ZNF732: variants seen among roughly 807,000 people sequenced by gnomAD.
ZNF732 encodes zinc finger protein 732, also known as zinc finger protein LOC654254.
A neutral mutation model predicts 11.5 loss-of-function variants in ZNF732; 12 were observed. The ratio of observed to expected loss-of-function variants is 1.05; its 90% CI spans 0.67 to 1.70. The LOEUF (loss-of-function observed/expected upper bound fraction) is 1.70, where lower values mean the gene tolerates loss of function less well. Among genes scored for constraint, ZNF732 ranks in the 40% most tolerant of loss-of-function variants. ZNF732 has a pLI of 0.00. For synonymous variants in ZNF732, 231 were observed against 236.5 expected (o/e 0.98, Z 0.21); for missense variants, 702 against 676.9 (o/e 1.04, Z -0.41).
intron 3 of ZNF732, among the ~76,000 whole-genome samples, chr4:291,039 C>T (rs1719833408): frequency 6.6e-6 from 1 of 152,168 alleles, no homozygotes; most frequent in South Asian, 2.1e-4. Context: ...TCTATCTTAA[C>T]ATATTACCAA....
At chr4:294,410 GAC>G (rs1361334047) in intron 3 of ZNF732, among the ~76,000 whole-genome samples, 1 of 152,158 alleles carries the variant, frequency 6.6e-6, no homozygotes, top group African/African-American at 2.4e-5. Flanking sequence ...GTGTGTGAGA[GAC>G]ACACATTTTT....
At chr4:273,596 A>G (rs1204144389) in intron 3 of ZNF732, among the ~76,000 whole-genome samples, 1 of 151,974 alleles carries the variant, frequency 6.6e-6, no homozygotes, top group African/African-American at 2.4e-5. Flanking sequence ...CATGAAGGTG[A>G]AAAATGCAAA....
At chr4:282,849 ACT>A (rs1319023838) in intron 3 of ZNF732, among the ~76,000 whole-genome samples, 4 of 152,190 alleles carry the variant, frequency 2.6e-5, no homozygotes, top group Non-Finnish European at 5.9e-5. Context: ...AATGAAACAA[ACT>A]CAACACCATA....
intron 3 of ZNF732, among the ~76,000 whole-genome samples, chr4:289,648 T>C (rs1553841103): frequency 1.3e-5 from 2 of 152,252 alleles, no homozygotes; most frequent in African/African-American, 4.8e-5. Flanking sequence ...ATGAGGGATT[T>C]TTTTTCTTTG....
At chr4:296,632 C>T (rs995226603) in intron 1 of ZNF732, among the ~76,000 whole-genome samples, 7 of 151,324 alleles carry the variant, frequency 4.6e-5, no homozygotes, top group South Asian at 2.1e-4. Context: ...CTTAGCTAAG[C>T]GCTGCCTCTC....
chr4:300,453 T>TC (rs1720091398), intron 1 of ZNF732, among the ~76,000 whole-genome samples: 1 of 77,520 alleles, frequency 1.3e-5, no homozygotes, highest in Admixed American at 1.7e-4. Flanking sequence ...AGACTCTGTC[T>TC]CAAAAAAAAA....
Position 271,807 on chromosome 4 carries a change from A to T in ZNF732, c.1050T>A (p.Asn350Lys), listed in dbSNP as rs782224651. Reference protein sequence around the residue: ...GKAFSRSSVLNEHKRIHTGEK... With the variant: ...GKAFSRSSVLKEHKRIHTGEK... ...CTCCAGTATGAATTCTCTTATGTTC[A>T]TTCAGAACTGAGGACCTACTAAAGG... Residue 350 changes from asparagine (N) to lysine (K), a missense_variant, in exon 4 of 4, where the codon AAT (asparagine) becomes AAA (lysine). Physicochemically the swap from Asn to Lys is moderately conservative, Grantham distance 94. Coordinates refer to ENST00000419098, the MANE Select transcript of ZNF732 (RefSeq NM_001137608.3). The T allele has an allele frequency of 1.9e-6, 3 of 1,613,278 alleles. No individual in the cohort carries two copies. In the South Asian group the frequency reaches 3.3e-5, roughly 18 times the overall value.
At chr4:278,895 A>T (rs1274017207) in intron 3 of ZNF732, among the ~76,000 whole-genome samples, 1 of 152,164 alleles carries the variant, frequency 6.6e-6, no homozygotes, top group South Asian at 2.1e-4. Flanking sequence ...CTGGTGGTGA[A>T]TCCTCCATAG....
intron 3 of ZNF732, among the ~76,000 whole-genome samples, chr4:284,547 A>C (rs1230056611): frequency 6.6e-6 from 1 of 152,114 alleles, no homozygotes; most frequent in Non-Finnish European, 1.5e-5. Context: ...AGAAAATAAT[A>C]AAAAACAGAA....
intron 3 of ZNF732, among the ~76,000 whole-genome samples, chr4:276,596 A>G (rs1272818350): frequency 1.3e-5 from 2 of 151,982 alleles, no homozygotes; most frequent in African/African-American, 4.8e-5. Context: ...GATTTCTAGT[A>G]GCAAACATAA....
chr4:296,233 CAT>C (rs1319992891), intron 1 of ZNF732, 78 bp from the exon 2 acceptor site: 1 of 1,546,192 alleles, frequency 6.5e-7, no homozygotes, highest in African/African-American at 1.4e-5. Flanking sequence ...CTAGTTCTGA[CAT>C]GTGACTGACT....
At chr4:283,802 TCAAA>T (rs1719666216) in intron 3 of ZNF732, among the ~76,000 whole-genome samples, 1 of 152,206 alleles carries the variant, frequency 6.6e-6, no homozygotes, top group Non-Finnish European at 1.5e-5. Flanking sequence ...TATATTCTTC[TCAAA>T]CACACATGGA....
In ZNF732 at chr4:272,500, C is replaced by G. The variant is rs370214856; in HGVS notation, c.357G>C (p.Arg119Ser). Residue 119 changes from arginine to serine, a missense_variant, in exon 4 of 4, where the codon AGG becomes AGC. Transcript: ENST00000419098. ...ENLELRKSCK[R>S]KVQKGGYNEF... is the part of the protein sequence containing the mutation. ...CATTATAACCTCCTTTCTGCACCTT[C>G]CTTTTACAGCTTTTTCTTAATTCTA... The G allele has an allele frequency of 6.2e-7, 1 of 1,602,046 alleles. No homozygotes were observed. The highest frequency in any genetic ancestry group is 8.5e-7 in the Non-Finnish European group (1 of 1,173,582).
In ZNF732 at chr4:272,597, G is replaced by A; in HGVS notation, c.260C>T (p.Pro87Leu). 1.3e-6 allele frequency: 2 copies of A among 1,538,920 alleles called. No homozygotes were observed. Among genetic ancestry groups the A allele is most frequent in the South Asian group, 1.3e-5 (1 of 76,912 alleles). Residue 87 changes from proline to leucine, a missense_variant, in exon 4 of 4, where the codon CCA becomes CTA. Pro to Leu is a moderately conservative substitution (Grantham distance 98, BLOSUM62 -3). Coordinates refer to ENST00000419098, the MANE Select transcript of ZNF732 (RefSeq NM_001137608.3). ...GAACGAATCTTCTATCCCCTGCACT[G>A]GCAAAAAGTCTTGGGTGAAATGAGA... is the stretch of plus-strand genomic sequence containing the variant. Reference protein sequence around the residue: ...VCSHFTQDFLPVQGIEDSFHK... With the variant: ...VCSHFTQDFLLVQGIEDSFHK...
chr4:302,601 CAGAAA>C (rs1720140163), intron 1 of ZNF732, among the ~76,000 whole-genome samples: 1 of 152,162 alleles, frequency 6.6e-6, no homozygotes, highest in African/African-American at 2.4e-5. Flanking sequence ...TAGTCGCCTA[CAGAAA>C]CTGTGGGATA....
rs1553837901 is a variant in ZNF732 at position 272,363 on chromosome 4, C to T, written c.494G>A (p.Gly165Glu). The T allele has an allele frequency of 2.5e-6, 4 of 1,605,896 alleles. No homozygotes were observed. In the Admixed American group the frequency reaches 5.1e-5, roughly 21 times the overall value. ...NSNQRRIRHT[G>E]EKHFKECGKS... ...GCCACATTCTTTAAAGTGTTTCTCT[C>T]CAGTATGTCTTATCCTACGTTGGTT... The change falls in exon 4 of 4, where the codon GGA (glycine) becomes GAA (glutamate). Residue 165 changes from glycine (G) to glutamate (E), a missense_variant. This residue lies in a region of ZNF732 where 596 missense variants were observed against 557.9 expected (regional missense o/e 1.07). Transcript: ENST00000419098.
At chr4:304,870 C>T (rs1720197038) in intron 1 of ZNF732, among the ~76,000 whole-genome samples, 1 of 152,236 alleles carries the variant, frequency 6.6e-6, no homozygotes, top group Non-Finnish European at 1.5e-5. Context: ...CCGCTGGCAG[C>T]CCCCAAACCA....
chr4:283,425 A>G (rs1198407036), intron 3 of ZNF732, among the ~76,000 whole-genome samples: 1 of 152,188 alleles, frequency 6.6e-6, no homozygotes, highest in Non-Finnish European at 1.5e-5. Flanking sequence ...AAGGATGAAA[A>G]AAAAATTCCA....
rs1553837610 is a variant in ZNF732, at chr4:271,836, T to C, written c.1021A>G (p.Lys341Glu). 1.2e-6 allele frequency: 2 copies of C among 1,613,706 alleles called. No individual in the cohort carries two copies. Among genetic ancestry groups the C allele is most frequent in the East Asian group, 2.2e-5 (1 of 44,868 alleles). Reference sequence around the variant, plus strand: ...AGAACTGAGGACCTACTAAAGGCTTTGCCACATTCTTCACATGTGTAGGGT... The same window carrying C: ...AGAACTGAGGACCTACTAAAGGCTTCGCCACATTCTTCACATGTGTAGGGT... ...EKPYTCEECG[K>E]AFSRSSVLNE... The change falls in exon 4 of 4, where the codon AAA (lysine) becomes GAA (glutamate). Residue 341 changes from lysine (K) to glutamate (E), a missense_variant. Coordinates refer to ENST00000419098, the MANE Select transcript of ZNF732 (RefSeq NM_001137608.3).
Sources: allele counts gnomAD v4.1 joint callset (sites outside exome capture counted in the v4.1 genomes callset), GRCh38; gene constraint gnomAD v4.1.1; regional missense constraint gnomAD v4.1.1; transcripts MANE v1.5; gene names NCBI Gene and HGNC (gene_info 2026-07-23, HGNC 2026-07-21).